The following CREB5 variants were observed in gnomAD, a reference collection of about 807,000 sequenced individuals.
CREB5 encodes the protein cAMP responsive element binding protein 5, also known as cyclic AMP-responsive element-binding protein 5.
CREB5 carries 19 observed loss-of-function variants against 57.1 expected under a neutral mutation model. The ratio of observed to expected loss-of-function variants is 0.33; its 90% CI spans 0.23 to 0.49. CREB5 has a LOEUF of 0.49. Ranked by LOEUF, CREB5 falls within the 20% of genes least tolerant of loss-of-function variation. CREB5 has a pLI of 0.99. For missense variants in CREB5, 579 were observed against 671.6 expected (o/e 0.86, Z 1.52); for synonymous variants, 238 against 238.3 (o/e 1.00, Z 0.01).
chr7:28,724,977 G>A (rs748511363), intron 7 of CREB5, among the ~76,000 whole-genome samples: 5 of 152,176 alleles, frequency 3.3e-5, no homozygotes, highest in South Asian at 2.1e-4. Context: ...AATGCAATAC[G>A]TGTCTGTCTT....
At chr7:28,402,595 T>C (rs1306780368) in intron 1 of CREB5, among the ~76,000 whole-genome samples, 1 of 152,238 alleles carries the variant, frequency 6.6e-6, no homozygotes, top group Admixed American at 6.5e-5. Flanking sequence ...ATTTAATAAA[T>C]GGTGCTGGGA....
At chr7:28,593,569 C>A (rs1310605887) in intron 5 of CREB5, among the ~76,000 whole-genome samples, 1 of 152,326 alleles carries the variant, frequency 6.6e-6, no homozygotes, top group East Asian at 1.9e-4. Context: ...TTTATACACA[C>A]ATAGAAGATG....
intron 5 of CREB5, among the ~76,000 whole-genome samples, chr7:28,607,735 C>CTG (rs573980917): frequency 0.011 from 1,422 of 129,232 alleles, 12 homozygotes; most frequent in East Asian, 0.018. Flanking sequence ...GCCCACAGGG[C>CTG]TGTGTGTGTG....
chr7:28,334,016 G>A (rs1023752831), intron 1 of CREB5, among the ~76,000 whole-genome samples: 1 of 152,200 alleles, frequency 6.6e-6, no homozygotes, highest in Non-Finnish European at 1.5e-5. Flanking sequence ...CCCACCAACG[G>A]TGTTTCCTTT....
intron 4 of CREB5, among the ~76,000 whole-genome samples, chr7:28,522,390 G>GTTTTTTTTTTTTTTTTTT (rs11291433): frequency 1.0e-5 from 1 of 97,604 alleles, no homozygotes. Context: ...CCTGCTCTTT[G>GTTTTTTTTTTTTTTTTTT]TTTTTTTTTT....
At chr7:28,464,527 G>A in intron 1 of CREB5, among the ~76,000 whole-genome samples, 1 of 151,504 alleles carries the variant, frequency 6.6e-6, no homozygotes, top group African/African-American at 2.4e-5. Flanking sequence ...GTGTGTGTGT[G>A]TGTGTGTGTG....
chr7:28,393,096 A>T (rs577445412), intron 1 of CREB5, among the ~76,000 whole-genome samples: 163 of 152,002 alleles, frequency 1.1e-3, no homozygotes, highest in African/African-American at 3.8e-3. Context: ...GGCTAATTTT[A>T]TGTTATTTTT....
chr7:28,566,151 A>G (rs1273032999), intron 4 of CREB5, among the ~76,000 whole-genome samples: 2 of 152,134 alleles, frequency 1.3e-5, no homozygotes, highest in Non-Finnish European at 2.9e-5. Context: ...TGCACTCTAC[A>G]ATGGAATAAT....
intron 5 of CREB5, among the ~76,000 whole-genome samples, chr7:28,614,387 T>A (rs1239425820): frequency 1.3e-5 from 2 of 152,212 alleles, no homozygotes; most frequent in Admixed American, 6.5e-5. Flanking sequence ...CTATAAATAG[T>A]TTAAAGATAC....
At chr7:28,489,297 T>C (rs1156380995) in intron 2 of CREB5, among the ~76,000 whole-genome samples, 1 of 14,898 alleles carries the variant, frequency 6.7e-5, no homozygotes, top group East Asian at 5.4e-4. Flanking sequence ...AGGACCCTTC[T>C]TTTTTTTTTT....
At chr7:28,760,179 C>T (rs1805563454) in intron 7 of CREB5, among the ~76,000 whole-genome samples, 1 of 152,124 alleles carries the variant, frequency 6.6e-6, no homozygotes, top group African/African-American at 2.4e-5. Flanking sequence ...CTAATTATAC[C>T]CTCTGAGTCT....
At chr7:28,770,581 TAAAG>T (rs1344852482) in intron 7 of CREB5, among the ~76,000 whole-genome samples, 1 of 152,164 alleles carries the variant, frequency 6.6e-6, no homozygotes, top group Admixed American at 6.5e-5. Flanking sequence ...GAAAAATAAC[TAAAG>T]AAAAGGGGAG....
At chr7:28,427,671 G>T (rs969121692) in intron 1 of CREB5, among the ~76,000 whole-genome samples, 1 of 151,964 alleles carries the variant, frequency 6.6e-6, no homozygotes, top group Non-Finnish European at 1.5e-5. Context: ...CTTCTCCAGA[G>T]ACTGACCTGC....
At chr7:28,518,235 T>A (rs1793060141) in intron 4 of CREB5, among the ~76,000 whole-genome samples, 1 of 152,142 alleles carries the variant, frequency 6.6e-6, no homozygotes, top group Non-Finnish European at 1.5e-5. Context: ...CCTGCCTGAG[T>A]TGGTGCTGGG....
At chr7:28,480,963 T>C (rs1428972350) in intron 1 of CREB5, among the ~76,000 whole-genome samples, 3 of 151,792 alleles carry the variant, frequency 2.0e-5, no homozygotes, top group East Asian at 3.9e-4. Flanking sequence ...TAAAGAAACA[T>C]ATGGAAAATT....
At chr7:28,674,499 T>C (rs1266282704) in intron 5 of CREB5, among the ~76,000 whole-genome samples, 1 of 152,182 alleles carries the variant, frequency 6.6e-6, no homozygotes, top group African/African-American at 2.4e-5. Flanking sequence ...ATGACTCATT[T>C]CTGAGATTTA....
chr7:28,817,214 G>A (rs941524965), intron 9 of CREB5, among the ~76,000 whole-genome samples: 6 of 152,086 alleles, frequency 3.9e-5, no homozygotes, highest in Non-Finnish European at 8.8e-5. Flanking sequence ...ATTCAATCAT[G>A]GCCCAAAACT....
At chr7:28,675,545 T>A (rs185491296) in intron 5 of CREB5, among the ~76,000 whole-genome samples, 2 of 152,212 alleles carry the variant, frequency 1.3e-5, no homozygotes, top group East Asian at 3.9e-4. Context: ...AGAGAGGTAG[T>A]GAAAGGGGAG....
intron 6 of CREB5, among the ~76,000 whole-genome samples, chr7:28,722,006 T>A (rs1803055422): frequency 1.3e-5 from 2 of 152,342 alleles, no homozygotes; most frequent in East Asian, 3.9e-4. Flanking sequence ...ATCAACTCAT[T>A]GAAGTCAAGC....
Sources: allele counts gnomAD v4.1 joint callset (sites outside exome capture counted in the v4.1 genomes callset), GRCh38; gene constraint gnomAD v4.1.1; transcripts MANE v1.5; gene names NCBI Gene and HGNC (gene_info 2026-07-23, HGNC 2026-07-21).